SPIRE1: variants seen among roughly 807,000 people sequenced by gnomAD.
SPIRE1 encodes protein spire homolog 1.
In SPIRE1, 40 loss-of-function variants were observed where a neutral mutation model predicts 94.1. The observed-to-expected ratio is 0.43, with a 90% confidence interval of 0.33 to 0.55. The LOEUF (loss-of-function observed/expected upper bound fraction) is 0.55, where lower values mean the gene tolerates loss of function less well. Among genes scored for constraint, SPIRE1 ranks in the 20% least tolerant of loss-of-function variants. The pLI is 0.06. For synonymous variants in SPIRE1, 376 were observed against 371.7 expected, an observed-to-expected ratio of 1.01 and a Z score of -0.13; for missense variants, 838 against 975.2, an observed-to-expected ratio of 0.86 and a Z score of 1.87.
intron 8 of SPIRE1, among the ~76,000 whole-genome samples, 172 bp from the exon 9 acceptor site, chr18:12,486,172 G>A (rs1430806486): frequency 1.3e-5 from 2 of 152,130 alleles, no homozygotes; most frequent in Admixed American, 1.3e-4. Context: ...CCATGCAAGA[G>A]TCTTAGTTTC....
chr18:12,626,042 G>GCC (rs35890423), intron 2 of SPIRE1, among the ~76,000 whole-genome samples: 1,429 of 122,186 alleles, frequency 0.012, 38 homozygotes, highest in African/African-American at 0.037. Context: ...ACACCGCCCC[G>GCC]CCCCCCCCCA....
At chr18:12,560,119 C>A (rs914925505) in intron 2 of SPIRE1, among the ~76,000 whole-genome samples, 4 of 152,100 alleles carry the variant, frequency 2.6e-5, no homozygotes, top group African/African-American at 9.7e-5. Context: ...AAAAGGGAAC[C>A]CTTGTACACT....
intron 2 of SPIRE1, among the ~76,000 whole-genome samples, chr18:12,594,034 C>T (rs1207261623): frequency 6.6e-6 from 1 of 151,904 alleles, no homozygotes; most frequent in Non-Finnish European, 1.5e-5. Flanking sequence ...GTATAAAATG[C>T]TGCCTATGAT....
intron 1 of SPIRE1, among the ~76,000 whole-genome samples, chr18:12,650,634 C>T (rs1482242457): frequency 1.3e-5 from 2 of 149,180 alleles, no homozygotes; most frequent in East Asian, 2.0e-4. Context: ...CGCTTGAACC[C>T]GGGAGGCAGA....
chr18:12,659,254 CG>C (rs1308204399), upstream of SPIRE1, among the ~76,000 whole-genome samples: 2 of 134,380 alleles, frequency 1.5e-5, no homozygotes, highest in African/African-American at 5.3e-5. Context: ...TTGCATCTTG[CG>C]GTAGAAACTA....
At chr18:12,629,933 A>G (rs2037730601) in intron 2 of SPIRE1, among the ~76,000 whole-genome samples, 1 of 152,192 alleles carries the variant, frequency 6.6e-6, no homozygotes, top group Admixed American at 6.5e-5. Flanking sequence ...CCAAACAGTA[A>G]GAAATAAGGT....
intron 2 of SPIRE1, among the ~76,000 whole-genome samples, chr18:12,551,894 G>C (rs1382626064): frequency 6.6e-6 from 1 of 152,122 alleles, no homozygotes; most frequent in South Asian, 2.1e-4. Context: ...GGGTAGGAAA[G>C]ACAGTCTTGA....
intron 1 of SPIRE1, among the ~76,000 whole-genome samples, chr18:12,642,166 T>G (rs1448999145): frequency 6.6e-6 from 1 of 152,162 alleles, no homozygotes; most frequent in Non-Finnish European, 1.5e-5. Flanking sequence ...AAAGCATTCA[T>G]CTGTTCATTC....
chr18:12,595,098 T>C (rs1256330556), intron 2 of SPIRE1, among the ~76,000 whole-genome samples: 1 of 151,838 alleles, frequency 6.6e-6, no homozygotes, highest in Non-Finnish European at 1.5e-5. Context: ...GGCAAAAGAG[T>C]GAGACCCTGT....
intron 6 of SPIRE1, among the ~76,000 whole-genome samples, chr18:12,505,420 C>T (rs1383212889): frequency 3.3e-5 from 5 of 151,914 alleles, no homozygotes; most frequent in African/African-American, 7.3e-5. Context: ...GGCATGGTGG[C>T]GCACACCTGT....
chr18:12,568,147 G>A (rs140261503), intron 2 of SPIRE1, among the ~76,000 whole-genome samples: 1 of 152,338 alleles, frequency 6.6e-6, no homozygotes, highest in Non-Finnish European at 1.5e-5. Context: ...GTACTTCAAG[G>A]ATGCTGGGGT....
chr18:12,644,232 G>A (rs1037240685), intron 1 of SPIRE1, among the ~76,000 whole-genome samples: 5 of 151,210 alleles, frequency 3.3e-5, no homozygotes, highest in Non-Finnish European at 5.9e-5. Flanking sequence ...GGGTTAGGGG[G>A]CAACTATCAT....
At chr18:12,627,330 C>A (rs2037659832) in intron 2 of SPIRE1, among the ~76,000 whole-genome samples, 1 of 151,870 alleles carries the variant, frequency 6.6e-6, no homozygotes, top group Admixed American at 6.6e-5. Flanking sequence ...TCCGTCCTTG[C>A]AATAGTTTGC....
intron 2 of SPIRE1, among the ~76,000 whole-genome samples, chr18:12,585,554 CTG>C (rs2036373950): frequency 6.6e-6 from 1 of 152,124 alleles, no homozygotes; most frequent in African/African-American, 2.4e-5. Flanking sequence ...GGGATAATAA[CTG>C]TACCTGCTTC....
chr18:12,642,952 T>C (rs2038126562), intron 1 of SPIRE1, among the ~76,000 whole-genome samples: 2 of 152,008 alleles, frequency 1.3e-5, no homozygotes. Flanking sequence ...GAAGAAGAAA[T>C]GCTGCCATAG....
intron 2 of SPIRE1, among the ~76,000 whole-genome samples, chr18:12,547,281 A>G (rs2035201113): frequency 1.3e-5 from 2 of 152,210 alleles, no homozygotes; most frequent in Non-Finnish European, 2.9e-5. Context: ...AACAACAACA[A>G]AAATCTATTC....
At chr18:12,514,198 T>C (rs551860395) in intron 4 of SPIRE1, among the ~76,000 whole-genome samples, 1 of 152,302 alleles carries the variant, frequency 6.6e-6, no homozygotes, top group African/African-American at 2.4e-5. Flanking sequence ...GCTGCCACCT[T>C]CTTCCTAGAA....
intron 9 of SPIRE1, among the ~76,000 whole-genome samples, chr18:12,484,306 C>T (rs1215717414): frequency 6.6e-6 from 1 of 152,142 alleles, no homozygotes; most frequent in Non-Finnish European, 1.5e-5. Flanking sequence ...ATATATATTA[C>T]TATGTTCCTG....
At chr18:12,615,345 A>AAATATATAT in intron 2 of SPIRE1, among the ~76,000 whole-genome samples, 1 of 17,240 alleles carries the variant, frequency 5.8e-5, no homozygotes, top group African/African-American at 1.2e-4. Context: ...AAAAAAAAAA[A>AAATATATAT]ATATATATAT....
Sources: allele counts gnomAD v4.1 joint callset (sites outside exome capture counted in the v4.1 genomes callset), GRCh38; gene constraint gnomAD v4.1.1; transcripts MANE v1.5; gene names NCBI Gene and HGNC (gene_info 2026-07-23, HGNC 2026-07-21).